The following ARHGEF7 variants were observed in gnomAD, a reference collection of about 807,000 sequenced individuals.
ARHGEF7 encodes PAK-interacting exchange factor beta.
A neutral mutation model predicts 109.8 loss-of-function variants in ARHGEF7; 33 were observed. The ratio of observed to expected loss-of-function variants is 0.30; its 90% CI spans 0.23 to 0.40. The LOEUF (loss-of-function observed/expected upper bound fraction) is 0.40, where lower values mean the gene tolerates loss of function less well. Among genes scored for constraint, ARHGEF7 ranks in the 10% least tolerant of loss-of-function variants. The probability of loss-of-function intolerance (pLI) is 1.00; values close to 1 mark genes in which losing one functional copy is unlikely to be tolerated. For synonymous variants in ARHGEF7, 458 were observed against 424.6 expected, an observed-to-expected ratio of 1.08 and a Z score of -0.97; for missense variants, 938 against 1,098.5, an observed-to-expected ratio of 0.85 and a Z score of 2.07.
intron 2 of ARHGEF7, chr13:111,203,148 T>C (rs1358606811): frequency 8.0e-7 from 1 of 1,251,270 alleles, no homozygotes; most frequent in Non-Finnish European, 1.0e-6. Flanking sequence ...GTATTTCTTT[T>C]TGTAGTATAC....
chr13:111,135,589 C>G (rs1194857835), intron 1 of ARHGEF7, among the ~76,000 whole-genome samples: 1 of 152,194 alleles, frequency 6.6e-6, no homozygotes, highest in Non-Finnish European at 1.5e-5. Flanking sequence ...TTATTTGGCT[C>G]TCTGTTTGTC....
chr13:111,133,866 A>T (rs1487124651), intron 1 of ARHGEF7, among the ~76,000 whole-genome samples: 1 of 146,740 alleles, frequency 6.8e-6, no homozygotes, highest in South Asian at 2.2e-4. Context: ...GGTTTGTTAC[A>T]TATGTATACA....
At chr13:111,292,492 T>C (rs780186515) in intron 19 of ARHGEF7, 198 bp downstream of exon 19, 56 of 1,433,942 alleles carry the variant, frequency 3.9e-5, no homozygotes, top group East Asian at 3.5e-4. Context: ...TAACTGCCGA[T>C]GCGAGTATAC....
At chr13:111,164,951 T>C (rs191780570) in intron 2 of ARHGEF7, among the ~76,000 whole-genome samples, 5 of 152,346 alleles carry the variant, frequency 3.3e-5, no homozygotes, top group Non-Finnish European at 5.9e-5. Flanking sequence ...GGACCCGTGA[T>C]AATATTGGCT....
intron 11 of ARHGEF7, among the ~76,000 whole-genome samples, chr13:111,275,298 A>G (rs1250107666): frequency 2.0e-5 from 3 of 152,242 alleles, no homozygotes; most frequent in Admixed American, 2.0e-4. Flanking sequence ...TCTTTCTAAA[A>G]TAATACTTAG....
At chr13:111,292,670 T>C in intron 19 of ARHGEF7, 2 of 1,075,348 alleles carry the variant, frequency 1.9e-6, no homozygotes, top group Non-Finnish European at 2.3e-6. Context: ...AACACTTTTC[T>C]ATTTTATACT....
chr13:111,252,592 G>A (rs1265225729), intron 8 of ARHGEF7, among the ~76,000 whole-genome samples: 5 of 152,164 alleles, frequency 3.3e-5, no homozygotes, highest in African/African-American at 1.2e-4. Flanking sequence ...ATACTTTAAC[G>A]GCAGCTCATG....
chr13:111,289,916 T>C (rs929968818), intron 18 of ARHGEF7, among the ~76,000 whole-genome samples: 1 of 152,158 alleles, frequency 6.6e-6, no homozygotes, highest in Non-Finnish European at 1.5e-5. Flanking sequence ...GTGAAAAATA[T>C]CCATTTGTAG....
intron 2 of ARHGEF7, among the ~76,000 whole-genome samples, chr13:111,161,850 C>CT (rs1256609374): frequency 3.3e-5 from 5 of 152,054 alleles, no homozygotes; most frequent in Non-Finnish European, 4.4e-5. Context: ...CAGTGTGAGT[C>CT]TTTTCCCATG....
At chr13:111,219,775 T>C (rs1166585111) in intron 5 of ARHGEF7, among the ~76,000 whole-genome samples, 2 of 152,220 alleles carry the variant, frequency 1.3e-5, no homozygotes, top group African/African-American at 4.8e-5. Flanking sequence ...GCAGAATTTT[T>C]TTCCGGCTGC....
Position 111,228,972 on chromosome 13 carries a change from C to A in ARHGEF7, c.671-4233C>A, listed in dbSNP as rs535852232. Among the ~76,000 whole-genome samples the A allele has an allele frequency of 6.6e-6, 1 of 151,968 alleles. No individual in the cohort carries two copies. Among genetic ancestry groups the A allele is most frequent in the African/African-American group, 2.4e-5 (1 of 41,430 alleles). On this transcript the variant is annotated intron_variant, in intron 5 of 21. Coordinates refer to ENST00000646102, the MANE Select transcript of ARHGEF7 (RefSeq NM_001354046.2). The surrounding 1 kb of genome is among the most constrained non-coding windows in gnomAD (Gnocchi z 4.6). ...AGCGGCTGGGTGGCTTCCAGTCAAGCGGAAGAGGCAAGTGAGGACTCACAG... is the reference window on the plus strand; with the variant it reads ...AGCGGCTGGGTGGCTTCCAGTCAAGAGGAAGAGGCAAGTGAGGACTCACAG...
At chr13:111,289,190 C>T (rs1160049705) in intron 18 of ARHGEF7, among the ~76,000 whole-genome samples, 1 of 152,134 alleles carries the variant, frequency 6.6e-6, no homozygotes, top group East Asian at 1.9e-4. Context: ...CACCACCACG[C>T]CCGGCTAATT....
At chr13:111,276,719 A>G (rs2092505643) in intron 12 of ARHGEF7, among the ~76,000 whole-genome samples, 1 of 152,234 alleles carries the variant, frequency 6.6e-6, no homozygotes, top group Non-Finnish European at 1.5e-5. Context: ...GAATATAGCA[A>G]GTCGTTCTCA....
Position 111,303,159 on chromosome 13 carries a change from G to T in ARHGEF7, c.*46G>T. ...TGTTGAAGACCAGTTCTGAGGTGAA[G>T]CTGGGCACCCCTGACCCAAGTCGGG... is the stretch of plus-strand genomic sequence containing the variant. On this transcript the variant is annotated 3_prime_UTR_variant, in exon 22 of 22. Transcript: ENST00000646102. The T allele has an allele frequency of 6.4e-7, 1 of 1,562,158 alleles. No individual in the cohort carries two copies. Among genetic ancestry groups the T allele is most frequent in the Non-Finnish European group, 8.7e-7 (1 of 1,148,778 alleles).
At chr13:111,203,301 A>G (rs2081398557) in intron 2 of ARHGEF7, among the ~76,000 whole-genome samples, 2 of 152,230 alleles carry the variant, frequency 1.3e-5, no homozygotes, top group South Asian at 4.1e-4. Flanking sequence ...GCTGAGGCCT[A>G]TTTAATTCCT....
At chr13:111,119,483 C>T (rs370913743) in intron 1 of ARHGEF7, among the ~76,000 whole-genome samples, 27 of 152,114 alleles carry the variant, frequency 1.8e-4, no homozygotes, top group African/African-American at 6.3e-4. Context: ...AAATGTAACT[C>T]GAAAGACAAG....
chr13:111,267,915 T>C (rs369235163), intron 9 of ARHGEF7, among the ~76,000 whole-genome samples: 3 of 149,560 alleles, frequency 2.0e-5, no homozygotes, highest in African/African-American at 7.3e-5. Context: ...GCTAATAGGT[T>C]GAAGGGGTTA....
chr13:111,267,324 G>A (rs1466268791), intron 8 of ARHGEF7, among the ~76,000 whole-genome samples: 1 of 152,016 alleles, frequency 6.6e-6, no homozygotes, highest in African/African-American at 2.4e-5. Flanking sequence ...TGTGCAGTCT[G>A]AATGCTGCTG....
At chr13:111,182,177 G>A (rs1001400568) in intron 2 of ARHGEF7, 2 of 152,192 alleles carry the variant, frequency 1.3e-5, no homozygotes, top group African/African-American at 4.8e-5. Context: ...TCACGGTGTC[G>A]AGCGTGCTGG....
Sources: gnomAD v4.1 joint callset for allele counts (sites outside exome capture counted in the v4.1 genomes callset) on GRCh38, gnomAD v4.1.1 for gene constraint, Gnocchi (gnomAD v3.1) non-coding constraint, MANE v1.5 for transcripts, NCBI Gene and HGNC (gene_info 2026-07-23, HGNC 2026-07-21) for gene names.